PBRM1: variants seen among roughly 807,000 people sequenced by gnomAD.
PBRM1 encodes the protein protein polybromo-1.
PBRM1 carries 27 observed loss-of-function variants against 194.5 expected under a neutral mutation model. The observed-to-expected ratio is 0.14, with a 90% confidence interval of 0.10 to 0.19. PBRM1 has a LOEUF of 0.19. Among genes scored for constraint, PBRM1 ranks in the 10% least tolerant of loss-of-function variants. The pLI, the probability that PBRM1 is intolerant of heterozygous loss-of-function variation, is 1.00. For synonymous variants in PBRM1, 655 were observed against 693.2 expected (o/e 0.94, Z 0.87); for missense variants, 1,466 against 2,077.2 (o/e 0.71, Z 5.72).
At chr3:52,664,047 C>A (rs2096778570) in intron 3 of PBRM1, among the ~76,000 whole-genome samples, 1 of 139,534 alleles carries the variant, frequency 7.2e-6, no homozygotes, top group African/African-American at 2.7e-5. Context: ...GTGACAAAGC[C>A]AGACTCCGTC....
chr3:52,603,348 T>C (rs1254490671), intron 17 of PBRM1, among the ~76,000 whole-genome samples, 173 bp downstream of exon 19: 1 of 152,264 alleles, frequency 6.6e-6, no homozygotes, highest in Non-Finnish European at 1.5e-5. Context: ...TTCCCAGGTC[T>C]GATGACCAAA....
intron 17 of PBRM1, among the ~76,000 whole-genome samples, chr3:52,592,173 G>A (rs1469085744): frequency 7.2e-6 from 1 of 138,558 alleles, no homozygotes; most frequent in East Asian, 2.1e-4. Flanking sequence ...TCGCTCTGTC[G>A]CCCAGGCTGG....
At chr3:52,641,805 G>C (rs1053802125) in intron 10 of PBRM1, 149 bp downstream of exon 11, 1 of 717,076 alleles carries the variant, frequency 1.4e-6, no homozygotes, top group Non-Finnish European at 2.5e-6. Context: ...CCTTTTGATA[G>C]GTCTGACTAC....
intron 29 of PBRM1, among the ~76,000 whole-genome samples, chr3:52,548,861 A>G (rs1331040412): frequency 6.6e-6 from 1 of 152,230 alleles, no homozygotes; most frequent in African/African-American, 2.4e-5. Flanking sequence ...AGATGACCAA[A>G]GTTGGTTTAG....
At chr3:52,554,612 A>G (rs770089417) in intron 27 of PBRM1, 112 bp downstream of exon 29, 37 of 841,038 alleles carry the variant, frequency 4.4e-5, no homozygotes, top group Non-Finnish European at 6.1e-5. Context: ...ATTCTCAGGG[A>G]GGGAAGGCCT....
chr3:52,657,628 C>G (rs1002757461), intron 5 of PBRM1, among the ~76,000 whole-genome samples: 46 of 151,986 alleles, frequency 3.0e-4, no homozygotes, highest in Non-Finnish European at 1.2e-4. Context: ...CACCATCACA[C>G]CAGGGTAGAT....
chr3:52,572,564 TG>T (rs1191467553), intron 22 of PBRM1, among the ~76,000 whole-genome samples: 2 of 152,090 alleles, frequency 1.3e-5, no homozygotes, highest in African/African-American at 4.8e-5. Context: ...TTAGTAGAGA[TG>T]GGGTTTTACC....
intron 21 of PBRM1, 185 bp downstream of exon 23, chr3:52,578,869 A>G: frequency 1.5e-6 from 1 of 659,486 alleles, no homozygotes; most frequent in East Asian, 2.7e-5. Context: ...ATAGTGGAAG[A>G]AAACAAAAGA....
intron 22 of PBRM1, among the ~76,000 whole-genome samples, chr3:52,571,218 G>A (rs1031393679): frequency 6.6e-6 from 1 of 151,786 alleles, no homozygotes. Flanking sequence ...AGCTGCTCGG[G>A]AGGCTGAGGC....
At chr3:52,612,572 A>G (rs2153449394) in intron 15 of PBRM1, among the ~76,000 whole-genome samples, 1 of 152,280 alleles carries the variant, frequency 6.6e-6, no homozygotes, top group East Asian at 1.9e-4. Context: ...GCATGTGGAA[A>G]GAAAAGGAAG....
chr3:52,667,762 A>G (rs2096869178), intron 3 of PBRM1, among the ~76,000 whole-genome samples: 1 of 151,552 alleles, frequency 6.6e-6, no homozygotes, highest in Non-Finnish European at 1.5e-5. Context: ...AAAAAAAAAA[A>G]AAAAAAAATT....
chr3:52,610,442 C>T (rs958748749), intron 15 of PBRM1, among the ~76,000 whole-genome samples: 4 of 152,210 alleles, frequency 2.6e-5, no homozygotes, highest in Admixed American at 2.0e-4. Context: ...CAAACAATGA[C>T]TACCTCAGTA....
chr3:52,648,126 C>A (rs567910061), intron 7 of PBRM1, among the ~76,000 whole-genome samples: 42 of 152,094 alleles, frequency 2.8e-4, no homozygotes, highest in Admixed American at 4.6e-4. Context: ...CCAGGCTGGT[C>A]TGGAACGCCT....
At chr3:52,638,325 C>T (rs973134894) in intron 10 of PBRM1, among the ~76,000 whole-genome samples, 38 of 151,216 alleles carry the variant, frequency 2.5e-4, no homozygotes, top group African/African-American at 7.8e-4. Flanking sequence ...AAATGTTTGG[C>T]CTGGTATTTT....
At chr3:52,659,575 C>T (rs1471655202) in intron 4 of PBRM1, among the ~76,000 whole-genome samples, 1 of 152,114 alleles carries the variant, frequency 6.6e-6, no homozygotes, top group Non-Finnish European at 1.5e-5. Flanking sequence ...ATGTGTACCA[C>T]CATGCTTGGC....
chr3:52,682,506 C>T (rs72960204), upstream of PBRM1, among the ~76,000 whole-genome samples: 4,420 of 152,112 alleles, frequency 0.029, 224 homozygotes, highest in African/African-American at 0.1. Flanking sequence ...CACAATATCC[C>T]AATATCCTTG....
chr3:52,624,586 C>T (rs879499456), intron 13 of PBRM1, among the ~76,000 whole-genome samples: 13 of 152,236 alleles, frequency 8.5e-5, no homozygotes, highest in Non-Finnish European at 1.5e-4. Context: ...ACCTGCCAGT[C>T]CTGCACCAGC....
chr3:52,570,587 C>G (rs2086731588), intron 22 of PBRM1, among the ~76,000 whole-genome samples: 1 of 152,008 alleles, frequency 6.6e-6, no homozygotes, highest in African/African-American at 2.4e-5. Flanking sequence ...ATCTCTGTGT[C>G]CTGACTTGGA....
intron 2 of PBRM1, 29 bp downstream of exon 3, chr3:52,678,471 G>A (rs760713873): frequency 1.7e-5 from 25 of 1,430,818 alleles, no homozygotes; most frequent in Admixed American, 3.4e-5. Context: ...CAAATCCCCC[G>A]CAACTGTACT....
Sources: gnomAD v4.1 joint callset for allele counts (sites outside exome capture counted in the v4.1 genomes callset) on GRCh38, gnomAD v4.1.1 for gene constraint, MANE v1.5 for transcripts, NCBI Gene and HGNC (gene_info 2026-07-23, HGNC 2026-07-21) for gene names.